Variants in ZNF536 observed in about 807,000 individuals in gnomAD.
The protein encoded by ZNF536 is zinc finger protein 536.
Under a neutral mutation model 84.5 loss-of-function variants are expected in ZNF536, and 13 were observed. That is an observed-to-expected ratio of 0.15 (90% confidence interval 0.10 to 0.24). The LOEUF (loss-of-function observed/expected upper bound fraction) is 0.24, where lower values mean the gene tolerates loss of function less well. Among genes scored for constraint, ZNF536 ranks in the 10% least tolerant of loss-of-function variants. ZNF536 has a pLI of 1.00. For missense variants in ZNF536, 1,536 were observed against 1,747.5 expected (o/e 0.88, Z 2.16); for synonymous variants, 811 against 742.5 (o/e 1.09, Z -1.50).
chr19:30,290,795 G>T (rs145636544), intron 2 of ZNF536, among the ~76,000 whole-genome samples: 9 of 152,290 alleles, frequency 5.9e-5, no homozygotes, highest in African/African-American at 2.2e-4. Flanking sequence ...TAGGTTTTAA[G>T]CCCTGCATGT....
rs988385296 is a variant in ZNF536 at position 30,615,234 on chromosome 19, C to T, written c.169+65720C>T. 7.3e-5 allele frequency among the ~76,000 whole-genome samples: 11 copies of T among 150,370 alleles called. No homozygotes were observed. In the East Asian group the frequency reaches 1.4e-3, roughly 19 times the overall value. On this transcript the variant is annotated intron_variant, in intron 1 of 1. Coordinates refer to the ZNF536 transcript ENST00000592773. ...TGCTGGGATTACAGGCGTGAGCCAC[C>T]GCGCCCGGCCTCAATTTTTGCTTTT...
intron 1 of ZNF536, among the ~76,000 whole-genome samples, chr19:30,271,289 T>TTTTTC (rs1386912655): frequency 7.4e-6 from 1 of 135,008 alleles, no homozygotes; most frequent in Non-Finnish European, 1.5e-5. Flanking sequence ...TCCCTGTGTT[T>TTTTTC]TTTTCTTTTC....
intron 2 of ZNF536, among the ~76,000 whole-genome samples, chr19:30,526,361 C>T (rs1038552976): frequency 6.6e-6 from 1 of 152,218 alleles, no homozygotes; most frequent in African/African-American, 2.4e-5. Flanking sequence ...CACATGGTGC[C>T]AGAGGGCAGA....
chr19:30,499,250 A>T (rs1273942935), intron 2 of ZNF536, among the ~76,000 whole-genome samples: 1 of 146,378 alleles, frequency 6.8e-6, no homozygotes, highest in Admixed American at 6.9e-5. Context: ...CTATCTGTTC[A>T]GATAAAAGAA....
chr19:30,507,861 C>T (rs2055237658), intron 2 of ZNF536, among the ~76,000 whole-genome samples: 1 of 152,136 alleles, frequency 6.6e-6, no homozygotes, highest in East Asian at 1.9e-4. Context: ...ACGTGATGAA[C>T]CCAGAATTGC....
At position 30,310,986 on chromosome 19, in the gene ZNF536, G is replaced by A. The variant is rs1203237065; in HGVS notation, c.-120+26845G>A. On this transcript the variant is annotated intron_variant, in intron 2 of 5. Coordinates refer to the ZNF536 transcript ENST00000585628. The stretch of plus-strand genomic sequence containing the variant: ...TTGCCCGTGGGTTTTTGTAAGGTTG[G>A]TTCAGGAGATCCATCGTTCCCTGAT... 1.7e-4 allele frequency among the ~76,000 whole-genome samples: 26 copies of A among 152,168 alleles called. 1 individual carries two copies. Among genetic ancestry groups the A allele is most frequent in the Admixed American group, 1.4e-3 (22 of 15,272 alleles).
chr19:30,655,854 C>A (rs2049891191), intron 1 of ZNF536, among the ~76,000 whole-genome samples: 1 of 152,030 alleles, frequency 6.6e-6, no homozygotes, highest in African/African-American at 2.4e-5. Context: ...GCCTGGGCAA[C>A]ATAATGGGAC....
At chr19:30,491,292 A>G (rs371467613) in intron 2 of ZNF536, among the ~76,000 whole-genome samples, 18 of 152,164 alleles carry the variant, frequency 1.2e-4, no homozygotes, top group African/African-American at 4.3e-4. Context: ...GGTGAACAAA[A>G]TAAGACAGAA....
intron 2 of ZNF536, among the ~76,000 whole-genome samples, chr19:30,518,031 C>T (rs1222649368): frequency 6.6e-6 from 1 of 152,128 alleles, no homozygotes; most frequent in Non-Finnish European, 1.5e-5. Context: ...CTAGCACCCT[C>T]CCATTAGCCT....
rs533237954 is a variant in ZNF536 at position 30,437,836 on chromosome 19, A to T, written c.-2-5725A>T. Reference sequence around the variant, plus strand: ...GCAGAGTTAGGTAAATTATGCATTCATTTGTTCCTTCCATCAATCAGCCAG... The same window carrying T: ...GCAGAGTTAGGTAAATTATGCATTCTTTTGTTCCTTCCATCAATCAGCCAG... On this transcript the variant is annotated intron_variant, in intron 1 of 4. Coordinates refer to ENST00000355537, the MANE Select transcript of ZNF536 (RefSeq NM_014717.3). Among the ~76,000 whole-genome samples, 5 of 152,278 alleles carry T rather than the reference A, an allele frequency of 3.3e-5. No homozygotes were observed. In the South Asian group the frequency reaches 1.0e-3, roughly 32 times the overall value.
At chr19:30,604,588 C>T (rs1165998707) in intron 1 of ZNF536, among the ~76,000 whole-genome samples, 2 of 152,098 alleles carry the variant, frequency 1.3e-5, no homozygotes, top group African/African-American at 2.4e-5. Context: ...TGATCAGAGG[C>T]ACTAACTGGT....
chr19:30,259,727 C>G (rs934942968), intron 1 of ZNF536, among the ~76,000 whole-genome samples: 1 of 151,894 alleles, frequency 6.6e-6, no homozygotes, highest in South Asian at 2.1e-4. Flanking sequence ...GTTTAAAATG[C>G]GAAAAAACAG....
chr19:30,689,409 C>A (rs2051321464), intron 1 of ZNF536, among the ~76,000 whole-genome samples: 1 of 152,222 alleles, frequency 6.6e-6, no homozygotes, highest in South Asian at 2.1e-4. Flanking sequence ...AGGCAGCATA[C>A]CCTGTCCAAA....
At chr19:30,640,530 G>A (rs2049230530) in intron 1 of ZNF536, among the ~76,000 whole-genome samples, 1 of 152,102 alleles carries the variant, frequency 6.6e-6, no homozygotes. Flanking sequence ...CAGTTCTAAG[G>A]ACTGGCAAAT....
chr19:30,456,312 T>TC (rs2052842328), intron 2 of ZNF536, among the ~76,000 whole-genome samples: 2 of 147,218 alleles, frequency 1.4e-5, no homozygotes, highest in African/African-American at 2.5e-5. Context: ...TCTTTTCTTT[T>TC]TTTTTTTTTT....
At chr19:30,402,864 T>A (rs1356214195) in intron 1 of ZNF536, among the ~76,000 whole-genome samples, 2 of 146,652 alleles carry the variant, frequency 1.4e-5, no homozygotes, top group Non-Finnish European at 3.0e-5. Flanking sequence ...CTCTCCTGTT[T>A]AGACTGGGTC....
chr19:30,324,297 T>C (rs756869079), intron 2 of ZNF536, among the ~76,000 whole-genome samples: 3 of 152,240 alleles, frequency 2.0e-5, no homozygotes, highest in Non-Finnish European at 4.4e-5. Context: ...TTTTTATCCT[T>C]CCACACATCC....
intron 1 of ZNF536, among the ~76,000 whole-genome samples, chr19:30,404,845 G>C (rs1038982335): frequency 6.6e-5 from 10 of 152,316 alleles, no homozygotes; most frequent in Non-Finnish European, 1.3e-4. Context: ...TCCCCAAGAC[G>C]GTCCTGCCCC....
At chr19:30,296,625 C>T (rs1174681489) in intron 2 of ZNF536, among the ~76,000 whole-genome samples, 1 of 152,174 alleles carries the variant, frequency 6.6e-6, no homozygotes, top group African/African-American at 2.4e-5. Flanking sequence ...CTGGCTTGGA[C>T]AGCTCTCAGC....
Sources: allele counts gnomAD v4.1 joint callset (sites outside exome capture counted in the v4.1 genomes callset), GRCh38; gene constraint gnomAD v4.1.1; transcripts MANE v1.5; gene names NCBI Gene and HGNC (gene_info 2026-07-23, HGNC 2026-07-21).